Variants in MYO5A observed in about 807,000 individuals in gnomAD.
The protein encoded by MYO5A is unconventional myosin-Va.
Under a neutral mutation model 249.7 loss-of-function variants are expected in MYO5A, and 98 were observed. That is an observed-to-expected ratio of 0.39 (90% CI 0.33 to 0.46). The LOEUF (loss-of-function observed/expected upper bound fraction) is 0.46, where lower values mean the gene tolerates loss of function less well. Among genes scored for constraint, MYO5A ranks in the 20% least tolerant of loss-of-function variants. The pLI is 0.98. For synonymous variants in MYO5A, 778 were observed against 810.6 expected, an observed-to-expected ratio of 0.96 and a Z score of 0.68; for missense variants, 1,696 against 2,308.8, an observed-to-expected ratio of 0.73 and a Z score of 5.44.
At chr15:52,427,037 C>G (rs1326102198) in intron 3 of MYO5A, among the ~76,000 whole-genome samples, 1 of 152,080 alleles carries the variant, frequency 6.6e-6, no homozygotes, top group Non-Finnish European at 1.5e-5. Context: ...TATATATAGA[C>G]TGATTCCAAT....
At chr15:52,495,046 A>G (rs144908545) in intron 1 of MYO5A, among the ~76,000 whole-genome samples, 153 of 152,334 alleles carry the variant, frequency 1.0e-3, no homozygotes, top group African/African-American at 3.6e-3. Flanking sequence ...ATATATATAT[A>G]TCCATATTTT....
intron 1 of MYO5A, among the ~76,000 whole-genome samples, chr15:52,489,391 C>T (rs1166520867): frequency 8.6e-5 from 13 of 151,934 alleles, no homozygotes; most frequent in African/African-American, 3.1e-4. Flanking sequence ...AGTGAAACCC[C>T]GTCTCTACTA....
chr15:52,386,108 G>A (rs1400283570), intron 14 of MYO5A, among the ~76,000 whole-genome samples: 1 of 152,120 alleles, frequency 6.6e-6, no homozygotes, highest in Non-Finnish European at 1.5e-5. Flanking sequence ...CTTGAGACCA[G>A]GAGTTCAAGA....
chr15:52,474,722 C>T (rs1430817401), intron 1 of MYO5A, among the ~76,000 whole-genome samples: 1 of 152,222 alleles, frequency 6.6e-6, no homozygotes, highest in Admixed American at 6.5e-5. Context: ...ACCAGCCTTG[C>T]ATCCCAGGGA....
In MYO5A at chr15:52,310,154, C is replaced by T. The variant is rs1283753959; in HGVS notation, c.*3542G>A. 3 of 152,226 alleles carry T rather than the reference C, an allele frequency of 2.0e-5. No homozygotes were observed. The highest frequency in any genetic ancestry group is 2.0e-4 in the Admixed American group (3 of 15,286). 9.4% of individuals were successfully genotyped at this position (152,226 alleles called of 1,614,324 possible). A position where few individuals can be genotyped will look rare whatever the true frequency, so the allele number is the denominator to read the frequency against. ...AAACTGACAATAATCCCCAAATTCCCTATCAGTTGGCTTCGGAATATGTTT... is the reference window on the plus strand; with the variant it reads ...AAACTGACAATAATCCCCAAATTCCTTATCAGTTGGCTTCGGAATATGTTT... On this transcript the variant is annotated 3_prime_UTR_variant, in exon 42 of 42. Coordinates refer to ENST00000399233, the MANE Select transcript of MYO5A (RefSeq NM_001382347.1).
intron 1 of MYO5A, among the ~76,000 whole-genome samples, chr15:52,497,424 G>GATAC (rs1555464106): frequency 6.8e-6 from 1 of 147,344 alleles, no homozygotes. Context: ...TAAATAAATA[G>GATAC]ATAAATAAAT....
chr15:52,443,861 C>G (rs1390708500), intron 1 of MYO5A, among the ~76,000 whole-genome samples: 5 of 151,778 alleles, frequency 3.3e-5, no homozygotes, highest in Admixed American at 3.3e-4. Context: ...CGCACCTGCA[C>G]AGTCCCAGCT....
intron 31 of MYO5A, among the ~76,000 whole-genome samples, chr15:52,340,843 G>C (rs1214440043): frequency 6.6e-6 from 1 of 151,978 alleles, no homozygotes; most frequent in Non-Finnish European, 1.5e-5. Context: ...AGCTACTCAG[G>C]AGGCTGAGGC....
In MYO5A at chr15:52,348,828, T is replaced by C; in HGVS notation, c.3850-2A>G. 1 of 1,590,310 alleles carries C rather than the reference T, an allele frequency of 6.3e-7. No homozygotes were observed. The highest frequency in any genetic ancestry group is 8.6e-7 in the Non-Finnish European group (1 of 1,169,460). On this transcript the variant is annotated splice_acceptor_variant, in intron 28 of 41. Transcript: ENST00000399233. LOFTEE classifies it high-confidence loss of function. The stretch of plus-strand genomic sequence containing the variant: ...AAAAGGTATAATTACCTTGTCATCC[T>C]GAGAATCACAAGTCAGCAAGCACAA...
At chr15:52,430,952 C>T (rs573419341) in intron 2 of MYO5A, among the ~76,000 whole-genome samples, 8 of 152,016 alleles carry the variant, frequency 5.3e-5, no homozygotes, top group Non-Finnish European at 7.4e-5. Flanking sequence ...AAAGTCAAGG[C>T]TGGGTGCAGT....
chr15:52,504,355 A>G (rs1305446935), intron 1 of MYO5A, among the ~76,000 whole-genome samples: 1 of 152,150 alleles, frequency 6.6e-6, no homozygotes, highest in Non-Finnish European at 1.5e-5. Flanking sequence ...GAAAGGACTG[A>G]GGAGGTAGCC....
chr15:52,401,411 A>G (rs1166783046), intron 9 of MYO5A, among the ~76,000 whole-genome samples: 1 of 152,158 alleles, frequency 6.6e-6, no homozygotes, highest in East Asian at 1.9e-4. Flanking sequence ...TCCAATTTCA[A>G]TTCATTCTAG....
chr15:52,337,776 G>C, intron 33 of MYO5A, 34 bp downstream of exon 33: 13 of 1,456,522 alleles, frequency 8.9e-6, no homozygotes, highest in Non-Finnish European at 1.2e-5. Context: ...AGTAGCAAGG[G>C]AAGACAGCAG....
At chr15:52,491,282 G>C (rs1380872603) in intron 1 of MYO5A, among the ~76,000 whole-genome samples, 1 of 152,156 alleles carries the variant, frequency 6.6e-6, no homozygotes, top group East Asian at 1.9e-4. Context: ...AGGGACTTAA[G>C]TAACTCATTA....
At chr15:52,502,587 C>T (rs554284099) in intron 1 of MYO5A, among the ~76,000 whole-genome samples, 13 of 152,310 alleles carry the variant, frequency 8.5e-5, no homozygotes, top group African/African-American at 3.1e-4. Context: ...AGTGTCTGAT[C>T]AGTAAGGCCA....
intron 9 of MYO5A, among the ~76,000 whole-genome samples, chr15:52,402,246 CAGTTTGTTGTTATAAATTTTTAGGGAGCT>C: frequency 1.3e-5 from 2 of 152,284 alleles, no homozygotes; most frequent in South Asian, 4.1e-4. Flanking sequence ...GTGTGAGAGT[CAGTTTGTTGTTATAAATTTTTAGGGAGCT>C]AGTTTTCTGC....
intron 11 of MYO5A, among the ~76,000 whole-genome samples, chr15:52,393,557 C>T (rs1452656238): frequency 6.6e-6 from 1 of 152,090 alleles, no homozygotes; most frequent in Non-Finnish European, 1.5e-5. Context: ...CCATGCCCAG[C>T]TAAATTTTTA....
intron 37 of MYO5A, among the ~76,000 whole-genome samples, chr15:52,322,681 A>G (rs553400739): frequency 6.6e-6 from 1 of 152,336 alleles, no homozygotes; most frequent in South Asian, 2.1e-4. Flanking sequence ...TTTGAAGTCT[A>G]TCAAACAACT....
chr15:52,343,297 TAA>T lies in MYO5A; in HGVS notation c.3960-102_3960-101del, dbSNP rs765442657. Reference sequence around the variant, plus strand: ...CAGCATGCAGTATTTCAACATTTTATAAGTTTGTTTTTATTCATTATGACAAC... The same window carrying T: ...CAGCATGCAGTATTTCAACATTTTATGTTTGTTTTTATTCATTATGACAAC... On this transcript the variant is annotated intron_variant, in intron 30 of 41. Transcript: ENST00000399233. 8 of 1,020,648 alleles carry T rather than the reference TAA, an allele frequency of 7.8e-6. No homozygotes were observed. The East Asian group carries it at 1.2e-4, about 16-fold the overall frequency. The allele number at this position is 1,020,648 out of a possible 1,614,324, so 63.2% of individuals were successfully genotyped here. A position where few individuals can be genotyped will look rare whatever the true frequency, so the allele number is the denominator to read the frequency against.
Sources: allele counts gnomAD v4.1 joint callset (sites outside exome capture counted in the v4.1 genomes callset), GRCh38; gene constraint gnomAD v4.1.1; transcripts MANE v1.5; gene names NCBI Gene and HGNC (gene_info 2026-07-23, HGNC 2026-07-21).